The following CRPPA variants were observed in gnomAD, a reference collection of about 807,000 sequenced individuals.
CRPPA encodes D-ribitol-5-phosphate cytidylyltransferase.
Under a neutral mutation model 52.0 loss-of-function variants are expected in CRPPA, and 43 were observed. That is an observed-to-expected ratio of 0.83 (90% CI 0.65 to 1.07). The LOEUF is 1.07. Ranked by LOEUF, CRPPA falls within the 50% of genes least tolerant of loss-of-function variation. The pLI is 0.00. For missense variants in CRPPA, 629 were observed against 551.7 expected, an observed-to-expected ratio of 1.14 and a Z score of -1.40; for synonymous variants, 250 against 203.5, an observed-to-expected ratio of 1.23 and a Z score of -1.94.
intron 5 of CRPPA, among the ~76,000 whole-genome samples, chr7:16,298,317 C>T (rs920635153): frequency 1.1e-4 from 17 of 151,958 alleles, no homozygotes; most frequent in Non-Finnish European, 5.9e-5. Flanking sequence ...GGAATTTGTA[C>T]AATCTCTATT....
intron 9 of CRPPA, among the ~76,000 whole-genome samples, chr7:16,193,559 GATA>G (rs1781660930): frequency 1.3e-5 from 2 of 151,966 alleles, no homozygotes; most frequent in Admixed American, 6.6e-5. Context: ...TAAATATTGA[GATA>G]ATAATTTCAC....
chr7:16,224,181 G>C (rs1484315473), intron 8 of CRPPA, among the ~76,000 whole-genome samples: 1 of 152,084 alleles, frequency 6.6e-6, no homozygotes, highest in Non-Finnish European at 1.5e-5. Flanking sequence ...TGTGCATTTT[G>C]TGTCTTTACA....
At chr7:16,104,682 C>T (rs1164595224) in intron 9 of CRPPA, among the ~76,000 whole-genome samples, 1 of 152,210 alleles carries the variant, frequency 6.6e-6, no homozygotes, top group African/African-American at 2.4e-5. Context: ...GGGCAGATCA[C>T]GAGGTCAGGG....
At chr7:16,143,377 A>G (rs557812307) in intron 9 of CRPPA, among the ~76,000 whole-genome samples, 2 of 152,314 alleles carry the variant, frequency 1.3e-5, no homozygotes, top group South Asian at 4.1e-4. Flanking sequence ...AAGTCAGTGG[A>G]AATACAGGGC....
At chr7:16,255,276 T>C (rs1278486869) in intron 8 of CRPPA, among the ~76,000 whole-genome samples, 4 of 152,088 alleles carry the variant, frequency 2.6e-5, no homozygotes, top group African/African-American at 4.8e-5. Flanking sequence ...AAACCACTGC[T>C]CAAGGAAATA....
chr7:16,206,351 A>G (rs1330013421), intron 9 of CRPPA, among the ~76,000 whole-genome samples: 1 of 152,138 alleles, frequency 6.6e-6, no homozygotes, highest in Non-Finnish European at 1.5e-5. Context: ...GCCTATGAAC[A>G]AAATTAAACT....
intron 8 of CRPPA, among the ~76,000 whole-genome samples, chr7:16,239,983 G>A (rs530444671): frequency 5.9e-5 from 9 of 152,034 alleles, no homozygotes; most frequent in South Asian, 2.1e-4. Context: ...GAATACTAGC[G>A]AGGTATGCCC....
At chr7:16,114,283 GACACGCACACATACACAC>G (rs1782324319) in intron 9 of CRPPA, among the ~76,000 whole-genome samples, 1 of 138,828 alleles carries the variant, frequency 7.2e-6, no homozygotes, top group Non-Finnish European at 1.6e-5. Context: ...GATCAAAGTA[GACACGCACACATACACAC>G]ACACACACAC....
intron 5 of CRPPA, among the ~76,000 whole-genome samples, chr7:16,287,587 G>T (rs900177383): frequency 6.6e-6 from 1 of 152,084 alleles, no homozygotes; most frequent in African/African-American, 2.4e-5. Context: ...ATTAAACTAA[G>T]ATGAGGTCAT....
chr7:16,122,329 A>C (rs951727810), intron 9 of CRPPA, among the ~76,000 whole-genome samples: 5 of 152,062 alleles, frequency 3.3e-5, no homozygotes, highest in African/African-American at 1.2e-4. Flanking sequence ...AGCAATAATA[A>C]TTACAAGAAA....
chr7:16,363,432 T>C (rs557861910), intron 3 of CRPPA, among the ~76,000 whole-genome samples: 145 of 152,262 alleles, frequency 9.5e-4, no homozygotes, highest in South Asian at 3.1e-3. Flanking sequence ...ATCACAAAGA[T>C]AGCATTATAG....
intron 3 of CRPPA, among the ~76,000 whole-genome samples, chr7:16,352,916 CACACACACAT>C (rs1244774484): frequency 1.9e-4 from 25 of 130,308 alleles, no homozygotes; most frequent in Admixed American, 7.3e-4. Context: ...CACACACACA[CACACACACAT>C]TGGAGTACTA....
Position 16,200,679 on chromosome 7 carries a change from C to T in CRPPA, c.1251+15387G>A, listed in dbSNP as rs372137992. 5.8e-4 allele frequency among the ~76,000 whole-genome samples: 89 copies of T among 152,282 alleles called. 2 individuals carry two copies. The South Asian group carries it at 0.018, about 30-fold the overall frequency. On this transcript the variant is annotated intron_variant, in intron 9 of 9. Coordinates refer to ENST00000407010, the MANE Select transcript of CRPPA (RefSeq NM_001101426.4). ...TTACAAGAAATTTAAAGTCACAAAA[C>T]TTCTCACAAGGCTTTTTATAAAGTG...
intron 9 of CRPPA, among the ~76,000 whole-genome samples, chr7:16,177,116 GA>G (rs1781318313): frequency 1.3e-5 from 2 of 152,212 alleles, no homozygotes; most frequent in South Asian, 4.1e-4. Context: ...TATAATGACA[GA>G]AGAGAAATCA....
intron 3 of CRPPA, among the ~76,000 whole-genome samples, chr7:16,332,011 G>A (rs754115895): frequency 1.3e-5 from 2 of 152,108 alleles, no homozygotes; most frequent in African/African-American, 2.4e-5. Context: ...CAAGGTAAAT[G>A]CCAAACAATT....
Position 16,369,130 on chromosome 7 carries a change from G to A in CRPPA, c.684+6962C>T, listed in dbSNP as rs143021395. On this transcript the variant is annotated intron_variant, in intron 3 of 9. Transcript: ENST00000407010. ...ACCTCTCAGACACCAAGTTGTAGAA[G>A]GAAGGGCTTTATTCAGCTGGGAGCA... is the stretch of plus-strand genomic sequence containing the variant. 6.8e-3 allele frequency among the ~76,000 whole-genome samples: 1,042 copies of A among 152,266 alleles called. 12 individuals carry two copies. The highest frequency in any genetic ancestry group is 0.024 in the African/African-American group (1,009 of 41,556).
intron 2 of CRPPA, among the ~76,000 whole-genome samples, chr7:16,389,928 A>AAAAAAAAAAAAAAAAT: frequency 3.4e-5 from 1 of 29,758 alleles, no homozygotes; most frequent in East Asian, 1.4e-3. Context: ...AAAAAAAAAA[A>AAAAAAAAAAAAAAAAT]ATATATATAT....
At chr7:16,176,647 G>A (rs970039287) in intron 9 of CRPPA, among the ~76,000 whole-genome samples, 1 of 152,118 alleles carries the variant, frequency 6.6e-6, no homozygotes, top group African/African-American at 2.4e-5. Flanking sequence ...TCACTATGTT[G>A]TTCACACTGT....
chr7:16,135,055 A>G (rs951610105), intron 9 of CRPPA, among the ~76,000 whole-genome samples: 2 of 152,236 alleles, frequency 1.3e-5, no homozygotes, highest in African/African-American at 4.8e-5. Context: ...TCCTTGGCCA[A>G]TATCTCAAAG....
Sources: allele counts gnomAD v4.1 joint callset (sites outside exome capture counted in the v4.1 genomes callset), GRCh38; gene constraint gnomAD v4.1.1; transcripts MANE v1.5; gene names NCBI Gene and HGNC (gene_info 2026-07-23, HGNC 2026-07-21).